Variants in COL15A1 observed in about 807,000 individuals in gnomAD.
The protein encoded by COL15A1 is collagen alpha-1(XV) chain.
A neutral mutation model predicts 165.9 loss-of-function variants in COL15A1; 111 were observed. The ratio of observed to expected loss-of-function variants is 0.67; its 90% CI spans 0.57 to 0.78. The LOEUF is 0.78. Ranked by LOEUF, COL15A1 falls within the 30% of genes least tolerant of loss-of-function variation. COL15A1 has a pLI of 0.00. For missense variants in COL15A1, 1,745 were observed against 1,789.7 expected (o/e 0.98, Z 0.45); for synonymous variants, 659 against 674.8 (o/e 0.98, Z 0.36).
intron 36 of COL15A1, 127 bp from the exon 37 acceptor site, chr9:99,061,844 A>G: frequency 1.0e-6 from 1 of 995,898 alleles, no homozygotes; most frequent in Non-Finnish European, 1.5e-6. Flanking sequence ...TATCTGGCAC[A>G]TTAACAAGCC....
At chr9:98,999,228 G>A (rs572908170) in intron 6 of COL15A1, among the ~76,000 whole-genome samples, 107 of 152,324 alleles carry the variant, frequency 7.0e-4, no homozygotes, top group Non-Finnish European at 1.2e-3. Flanking sequence ...GGCCTGGCCC[G>A]GGGACAGGCT....
chr9:99,023,309 G>T (rs1351118542), intron 13 of COL15A1, 48 bp from the exon 14 acceptor site: 19 of 1,557,768 alleles, frequency 1.2e-5, no homozygotes, highest in Non-Finnish European at 1.4e-5. Context: ...GGCTGTCCTT[G>T]GAGTCTGGCA....
intron 5 of COL15A1, among the ~76,000 whole-genome samples, chr9:98,996,296 C>T (rs1303854581): frequency 6.6e-6 from 1 of 152,178 alleles, no homozygotes; most frequent in Non-Finnish European, 1.5e-5. Flanking sequence ...CGCTGGGTCC[C>T]GCGAGCTGCT....
chr9:98,990,295 G>A (rs1258650266), intron 5 of COL15A1, among the ~76,000 whole-genome samples: 1 of 152,232 alleles, frequency 6.6e-6, no homozygotes, highest in Non-Finnish European at 1.5e-5. Flanking sequence ...TGGGGTAACA[G>A]CATGAGTCTC....
intron 5 of COL15A1, among the ~76,000 whole-genome samples, chr9:98,990,498 C>G (rs978403043): frequency 5.3e-5 from 8 of 152,230 alleles, no homozygotes; most frequent in Non-Finnish European, 8.8e-5. Context: ...GGCCATCCCA[C>G]AGGCATGTCC....
chr9:98,987,368 G>A lies in COL15A1; in HGVS notation c.723G>A (p.Ser241=), dbSNP rs199838728. Residue 241 remains serine, a splice_region_variant and synonymous_variant, in exon 4 of 42, where the codon TCG becomes TCA. Coordinates refer to ENST00000375001, the MANE Select transcript of COL15A1 (RefSeq NM_001855.5). The stretch of plus-strand genomic sequence containing the variant: ...AGCTGTGTGACCCTGAAGAGTCCTC[G>A]GTGAGCTCCCCTACTATCCCACAGT... ...PEELCDPEES[S]ASGETSGLQE... The A allele has an allele frequency of 3.7e-6, 6 of 1,609,616 alleles. No individual in the cohort carries two copies. Among genetic ancestry groups the A allele is most frequent in the Admixed American group, 3.4e-5 (2 of 59,514 alleles).
chr9:99,053,031 G>A (rs1002847267), intron 31 of COL15A1, among the ~76,000 whole-genome samples: 2 of 152,168 alleles, frequency 1.3e-5, no homozygotes, highest in African/African-American at 4.8e-5. Context: ...AGCAAAGTGT[G>A]AGAAATGCTG....
At chr9:99,055,432 C>A (rs1234581392) in intron 34 of COL15A1, 60 bp downstream of exon 34, 13 of 1,021,636 alleles carry the variant, frequency 1.3e-5, no homozygotes, top group Middle Eastern at 2.6e-4. Context: ...CCGGAAGCCC[C>A]CAATGGGACT....
At chr9:99,015,360 C>T in intron 9 of COL15A1, 57 bp from the exon 10 acceptor site, 1 of 1,266,926 alleles carries the variant, frequency 7.9e-7, no homozygotes, top group Non-Finnish European at 1.2e-6. Flanking sequence ...GCCTCACACC[C>T]ACTGAACCAG....
In COL15A1 at chr9:99,025,970, C is replaced by T. The variant is rs755174582; in HGVS notation, c.2043+4C>T. 35 of 1,607,240 alleles carry T rather than the reference C, an allele frequency of 2.2e-5. No homozygotes were observed. Among genetic ancestry groups the T allele is most frequent in the Non-Finnish European group, 2.9e-5 (34 of 1,176,892 alleles). ...TCCCGGGATGAAAGGGGAGAAGGTA[C>T]GGGGAACACGGGAGGGTCCCACCAC... is the stretch of plus-strand genomic sequence containing the variant. On this transcript the variant is annotated splice_donor_region_variant and intron_variant, in intron 16 of 41. Coordinates refer to ENST00000375001, the MANE Select transcript of COL15A1 (RefSeq NM_001855.5).
chr9:99,052,554 G>T (rs1275424378), intron 31 of COL15A1, 121 bp downstream of exon 31: 3 of 815,316 alleles, frequency 3.7e-6, no homozygotes, highest in African/African-American at 1.7e-5. Context: ...GATGCTGTAG[G>T]GGTGGGGATG....
intron 5 of COL15A1, among the ~76,000 whole-genome samples, chr9:98,994,184 G>A (rs1485778889): frequency 6.6e-6 from 1 of 152,084 alleles, no homozygotes; most frequent in African/African-American, 2.4e-5. Flanking sequence ...GCAGATTCTT[G>A]CCTGGGCTGT....
At chr9:99,060,029 G>A in intron 36 of COL15A1, 76 bp downstream of exon 36, 4 of 1,502,434 alleles carry the variant, frequency 2.7e-6, no homozygotes, top group Non-Finnish European at 3.6e-6. Flanking sequence ...ACGATCTCCT[G>A]TGTCTGACAT....
chr9:99,022,273 C>A, intron 13 of COL15A1, 123 bp downstream of exon 13: 1 of 1,169,176 alleles, frequency 8.6e-7, no homozygotes, highest in Non-Finnish European at 1.3e-6. Flanking sequence ...GACCCTAGGG[C>A]TTTCTGCCTC....
intron 5 of COL15A1, among the ~76,000 whole-genome samples, chr9:98,993,821 C>T (rs1416290898): frequency 6.6e-6 from 1 of 152,182 alleles, no homozygotes; most frequent in Non-Finnish European, 1.5e-5. Context: ...TCCCCGCCCG[C>T]CCCTTGTCTG....
intron 7 of COL15A1, among the ~76,000 whole-genome samples, chr9:99,002,201 C>G (rs949125268): frequency 1.3e-5 from 2 of 148,598 alleles, no homozygotes; most frequent in Non-Finnish European, 3.0e-5. Context: ...CACTTCCCTC[C>G]TTTTCTCTTT....
At chr9:99,049,539 G>T in intron 28 of COL15A1, 151 bp from the exon 29 acceptor site, 1 of 830,128 alleles carries the variant, frequency 1.2e-6, no homozygotes, top group Admixed American at 2.5e-5. Flanking sequence ...CAGGGACATA[G>T]AAGTGCTCTG....
At chr9:99,027,967 T>A (rs1381590470) in intron 16 of COL15A1, among the ~76,000 whole-genome samples, 3 of 152,194 alleles carry the variant, frequency 2.0e-5, no homozygotes, top group East Asian at 3.8e-4. Context: ...CTGTAGTAGA[T>A]CATAAGATCC....
chr9:98,997,467 C>T (rs936932897), intron 6 of COL15A1, among the ~76,000 whole-genome samples: 9 of 152,096 alleles, frequency 5.9e-5, no homozygotes, highest in Non-Finnish European at 7.4e-5. Context: ...TCTCCAACAC[C>T]GACAGCATAC....
Sources: gnomAD v4.1 joint callset for allele counts (sites outside exome capture counted in the v4.1 genomes callset) on GRCh38, gnomAD v4.1.1 for gene constraint, MANE v1.5 for transcripts, NCBI Gene and HGNC (gene_info 2026-07-23, HGNC 2026-07-21) for gene names.